The following MMD variants were observed in gnomAD, a reference collection of about 807,000 sequenced individuals.
The protein encoded by MMD is monocyte to macrophage differentiation associated, also known as monocyte to macrophage differentiation factor.
Under a neutral mutation model 33.6 loss-of-function variants are expected in MMD, and 22 were observed. The ratio of observed to expected loss-of-function variants is 0.66; its 90% CI spans 0.47 to 0.94. The LOEUF is 0.94. MMD is among the 40% of genes least tolerant of loss of function. MMD has a pLI of 0.00. For synonymous variants in MMD, 97 were observed against 103.2 expected (o/e 0.94, Z 0.36); for missense variants, 242 against 309.8 (o/e 0.78, Z 1.64).
chr17:55,401,354 A>G (rs1233928415), intron 6 of MMD, 115 bp downstream of exon 6: 7 of 858,362 alleles, frequency 8.2e-6, no homozygotes, highest in Admixed American at 3.0e-5. Context: ...TTTTCTTTTG[A>G]GCCTCTATTT....
At chr17:55,404,480 C>A in intron 4 of MMD, 1 of 985,412 alleles carries the variant, frequency 1.0e-6, no homozygotes, top group Non-Finnish European at 1.2e-6. Context: ...GAGGTCAAAA[C>A]TGCTTGCCCT....
At chr17:55,400,401 T>C (rs11079167) in intron 6 of MMD, among the ~76,000 whole-genome samples, 46,245 of 151,742 alleles carry the variant, frequency 0.3, 8,670 homozygotes, top group Non-Finnish European at 0.42. Flanking sequence ...TACAAAAAAT[T>C]AGCCAAGGGT....
At chr17:55,409,624 A>C (rs1009917650) in intron 3 of MMD, among the ~76,000 whole-genome samples, 1 of 152,202 alleles carries the variant, frequency 6.6e-6, no homozygotes, top group Non-Finnish European at 1.5e-5. Flanking sequence ...CTTTTACTTA[A>C]ATAAGGCTTT....
intron 6 of MMD, 113 bp from the exon 7 acceptor site, chr17:55,394,647 T>C (rs1907034644): frequency 1.1e-6 from 1 of 887,196 alleles, no homozygotes; most frequent in South Asian, 4.4e-5. Context: ...GAAGAAGCTG[T>C]GTGAACACAA....
At chr17:55,407,874 A>T in intron 3 of MMD, 54 bp from the exon 4 acceptor site, 1 of 1,239,320 alleles carries the variant, frequency 8.1e-7, no homozygotes, top group Non-Finnish European at 1.1e-6. Context: ...GATGGGAAGT[A>T]CGGGTTATCA....
At position 55,394,536 on chromosome 17, in the gene MMD, T is replaced by C. The variant is rs758213102; in HGVS notation, c.517-2A>G. ...TTCCTGAAGTCCATCGGTGTTGTTC[T>C]GTCAACAGAGAAAAAAAAATAAAAA... On this transcript the variant is annotated splice_acceptor_variant, in intron 6 of 6. Coordinates refer to ENST00000262065, the MANE Select transcript of MMD (RefSeq NM_012329.3). LOFTEE classifies it high-confidence loss of function. 2.7e-6 allele frequency: 4 copies of C among 1,471,048 alleles called. No homozygotes were observed. In the African/African-American group the frequency reaches 4.4e-5, roughly 16 times the overall value. 91.1% of individuals were successfully genotyped at this position (1,471,048 alleles called of 1,614,324 possible). A position where few individuals can be genotyped will look rare whatever the true frequency, so the allele number is the denominator to read the frequency against.
intron 6 of MMD, among the ~76,000 whole-genome samples, chr17:55,398,218 T>A (rs549431839): frequency 3.3e-5 from 5 of 151,800 alleles, no homozygotes; most frequent in Admixed American, 6.5e-5. Flanking sequence ...CACTCTTTTC[T>A]CTCATGCTTC....
intron 5 of MMD, among the ~76,000 whole-genome samples, chr17:55,403,472 G>GAATA (rs1348261701): frequency 2.3e-4 from 35 of 152,168 alleles, no homozygotes; most frequent in Non-Finnish European, 8.8e-5. Context: ...GAATCACAGA[G>GAATA]AATAAGGCCA....
intron 2 of MMD, among the ~76,000 whole-genome samples, chr17:55,413,065 T>C (rs1907824103): frequency 2.0e-5 from 3 of 152,240 alleles, no homozygotes; most frequent in Admixed American, 2.0e-4. Context: ...GGTCTCCCTT[T>C]ACTTAAGTTT....
chr17:55,394,408 C>T lies in MMD; in HGVS notation c.643G>A (p.Ala215Thr), dbSNP rs1907025070. 2.7e-6 allele frequency: 4 copies of T among 1,505,166 alleles called. No individual in the cohort carries two copies. Among genetic ancestry groups the T allele is most frequent in the African/African-American group, 1.4e-5 (1 of 69,302 alleles). The allele number at this position is 1,505,166 out of a possible 1,614,324, so 93.2% of individuals were successfully genotyped here. Residue 215 changes from alanine (A) to threonine (T), a missense_variant, in exon 7 of 7, where the codon GCA becomes ACA. Coordinates refer to ENST00000262065, the MANE Select transcript of MMD (RefSeq NM_012329.3). ...HAIWHLFVAT[A>T]AAVHYYAIWK... is the part of the protein sequence containing the mutation. ...ATGGCGTAGTAATGCACTGCAGCTG[C>T]CGTGGCCACAAACAGGTGCCAGATG...
intron 6 of MMD, among the ~76,000 whole-genome samples, chr17:55,395,327 C>G (rs1907059113): frequency 6.6e-6 from 1 of 152,176 alleles, no homozygotes; most frequent in African/African-American, 2.4e-5. Flanking sequence ...GATGAAGAAA[C>G]AAGTTAGTCC....
chr17:55,406,919 T>A (rs1231746499), intron 4 of MMD, among the ~76,000 whole-genome samples: 1 of 152,036 alleles, frequency 6.6e-6, no homozygotes, highest in African/African-American at 2.4e-5. Context: ...TAGTCCCAGC[T>A]ACTTGGGAGA....
chr17:55,395,752 T>C (rs532056386), intron 6 of MMD, among the ~76,000 whole-genome samples: 2 of 152,370 alleles, frequency 1.3e-5, no homozygotes, highest in South Asian at 4.1e-4. Context: ...GCTAGATTTA[T>C]TTTTATTTAA....
rs144120193 is a variant in MMD at position 55,421,685 on chromosome 17, T to C, written c.11A>G (p.Lys4Arg). ...TCCCTCTCACCGCTGGAATCGATTC[T>C]TGAACCGCATTGATCCTCTGCTCCT... Reference protein sequence around the residue: MRFKNRFQRFMNHR... With the variant: MRFRNRFQRFMNHR... Residue 4 changes from lysine (K) to arginine (R), a missense_variant, in exon 1 of 7, where the codon AAG becomes AGG. Coordinates refer to ENST00000262065, the MANE Select transcript of MMD (RefSeq NM_012329.3). 9.4e-6 allele frequency: 15 copies of C among 1,596,196 alleles called. No homozygotes were observed. The African/African-American group carries it at 1.5e-4, about 16-fold the overall frequency.
At chr17:55,401,227 C>T (rs1907316218) in intron 6 of MMD, among the ~76,000 whole-genome samples, 2 of 152,162 alleles carry the variant, frequency 1.3e-5, no homozygotes, top group African/African-American at 4.8e-5. Flanking sequence ...GAACACAGCT[C>T]ACCACAGCCT....
At chr17:55,407,680 AAAGGAGGAGTGAGGAATTCT>A in intron 4 of MMD, 46 bp downstream of exon 4, 1 of 1,440,318 alleles carries the variant, frequency 6.9e-7, no homozygotes, top group Non-Finnish European at 9.6e-7. Context: ...GGGAGAAAGG[AAAGGAGGAGTGAGGAATTCT>A]AATCATAAAA....
rs58103743 is a variant in MMD, at chr17:55,414,556, TCACACACACACA to T, written c.27-336_27-325del. On this transcript the variant is annotated intron_variant, in intron 1 of 6. Coordinates refer to ENST00000262065, the MANE Select transcript of MMD (RefSeq NM_012329.3). ...TTCAACTGGAACCCTCCTCCTCCAT[TCACACACACACA>T]CACACACACACACACACACACACAC... Among the ~76,000 whole-genome samples the T allele has an allele frequency of 3.2e-4, 39 of 122,966 alleles. 1 individual carries two copies. Among genetic ancestry groups the T allele is most frequent in the East Asian group, 2.2e-3 (9 of 4,086 alleles). 80.7% of individuals were successfully genotyped at this position (122,966 alleles called of 152,430 possible).
chr17:55,408,382 C>G (rs560678903), intron 3 of MMD, among the ~76,000 whole-genome samples: 6 of 152,084 alleles, frequency 3.9e-5, no homozygotes, highest in African/African-American at 1.4e-4. Context: ...AAAACAGTAA[C>G]AAAAACAAAA....
At chr17:55,396,594 G>A (rs1360446679) in intron 6 of MMD, among the ~76,000 whole-genome samples, 2 of 151,508 alleles carry the variant, frequency 1.3e-5, no homozygotes, top group African/African-American at 4.8e-5. Flanking sequence ...TTTTGCTTTT[G>A]TTGTTGTTGG....
Sources: gnomAD v4.1 joint callset for allele counts (sites outside exome capture counted in the v4.1 genomes callset) on GRCh38, gnomAD v4.1.1 for gene constraint, MANE v1.5 for transcripts, NCBI Gene and HGNC (gene_info 2026-07-23, HGNC 2026-07-21) for gene names.